Variants in GABRA3 observed in about 807,000 individuals in gnomAD.
GABRA3 encodes the protein gamma-aminobutyric acid receptor subunit alpha-3.
A neutral mutation model predicts 30.1 loss-of-function variants in GABRA3; 10 were observed. That is an observed-to-expected ratio of 0.33 (90% CI 0.20 to 0.56). The LOEUF is 0.56. Among genes scored for constraint, GABRA3 ranks in the 20% least tolerant of loss-of-function variants. GABRA3 has a pLI of 0.89. For synonymous variants in GABRA3, 151 were observed against 146.8 expected (o/e 1.03, Z -0.21); for missense variants, 233 against 392.0 (o/e 0.59, Z 3.42).
At chrX:152,410,369 T>C (rs1381335683) in intron 1 of GABRA3, among the ~76,000 whole-genome samples, 2 of 111,134 alleles carry the variant, frequency 1.8e-5, no homozygotes, top group African/African-American at 6.5e-5. Flanking sequence ...AAAAGTGAAA[T>C]TGGAATGTTC....
At chrX:152,299,431 A>T (rs769783086) in intron 3 of GABRA3, among the ~76,000 whole-genome samples, 24 of 109,079 alleles carry the variant, frequency 2.2e-4, no homozygotes, top group African/African-American at 6.8e-4. Context: ...GGTTGGGATA[A>T]GCGGGGAAGC....
intron 4 of GABRA3, among the ~76,000 whole-genome samples, chrX:152,278,029 T>C (rs989212548): frequency 8.9e-6 from 1 of 112,454 alleles, no homozygotes; most frequent in African/African-American, 3.2e-5. Context: ...CCATCTTTCC[T>C]CTACTCTTCG....
chrX:152,287,699 C>A (rs1327564466), intron 3 of GABRA3, among the ~76,000 whole-genome samples: 1 of 111,120 alleles, frequency 9.0e-6, no homozygotes, highest in East Asian at 2.8e-4. Flanking sequence ...ATGGCAATCC[C>A]AACTCTAAAA....
intron 5 of GABRA3, among the ~76,000 whole-genome samples, chrX:152,242,017 C>T (rs1474136630): frequency 1.8e-5 from 2 of 111,845 alleles, no homozygotes; most frequent in Non-Finnish European, 3.8e-5. Flanking sequence ...ATTCGGCCAT[C>T]TTGGCTCCTC....
chrX:152,199,853 C>T (rs1274125761), intron 7 of GABRA3, among the ~76,000 whole-genome samples: 1 of 110,394 alleles, frequency 9.1e-6, no homozygotes, highest in East Asian at 2.9e-4. Context: ...CACACACACA[C>T]ATAACACACA....
At chrX:152,213,548 GA>G (rs1937661223) in intron 6 of GABRA3, among the ~76,000 whole-genome samples, 1 of 111,381 alleles carries the variant, frequency 9.0e-6, no homozygotes, top group African/African-American at 3.3e-5. Context: ...GAGCTTGATG[GA>G]AAACATTTCA....
At chrX:152,255,154 T>C (rs1404692094) in intron 5 of GABRA3, among the ~76,000 whole-genome samples, 1 of 111,518 alleles carries the variant, frequency 9.0e-6, no homozygotes, top group Non-Finnish European at 1.9e-5. Flanking sequence ...TGCACACACA[T>C]ATAAACACCA....
intron 5 of GABRA3, among the ~76,000 whole-genome samples, chrX:152,247,434 TTA>T (rs1485632682): frequency 9.0e-6 from 1 of 111,298 alleles, no homozygotes; most frequent in Non-Finnish European, 1.9e-5. Context: ...ACACCCTCCC[TTA>T]TTAGAGGAAA....
chrX:152,224,632 C>A, intron 6 of GABRA3, 131 bp downstream of exon 6: 1 of 423,168 alleles, frequency 2.4e-6, no homozygotes, highest in Non-Finnish European at 4.1e-6. Context: ...ACTCTCTGAC[C>A]CACCCTGATA....
chrX:152,437,459 A>G (rs1930804088), intron 1 of GABRA3, among the ~76,000 whole-genome samples: 1 of 111,796 alleles, frequency 8.9e-6, no homozygotes, highest in Non-Finnish European at 1.9e-5. Flanking sequence ...AGTTCTTCTC[A>G]ACTGATATAT....
chrX:152,325,483 C>G (rs1384592326), intron 3 of GABRA3, among the ~76,000 whole-genome samples: 2 of 111,468 alleles, frequency 1.8e-5, no homozygotes, highest in Non-Finnish European at 3.8e-5. Flanking sequence ...GCCAGGTGCC[C>G]CTCTGAGACA....
At chrX:152,335,805 T>C (rs1207185079) in intron 3 of GABRA3, among the ~76,000 whole-genome samples, 1 of 110,831 alleles carries the variant, frequency 9.0e-6, no homozygotes, top group Non-Finnish European at 1.9e-5. Context: ...TCACTGCCTC[T>C]AATTCTTGAG....
At chrX:152,179,715 C>T (rs889405825) in intron 9 of GABRA3, among the ~76,000 whole-genome samples, 1 of 110,398 alleles carries the variant, frequency 9.1e-6, no homozygotes, top group Admixed American at 9.7e-5. Flanking sequence ...AGGATGGTCT[C>T]GATCTCCTGA....
At chrX:152,251,524 A>T (rs1333013548) in intron 5 of GABRA3, among the ~76,000 whole-genome samples, 1 of 106,958 alleles carries the variant, frequency 9.3e-6, no homozygotes, top group African/African-American at 3.4e-5. Context: ...ACTATTTGCA[A>T]TCTCTACTGG....
At chrX:152,418,264 A>C (rs1046008103) in intron 1 of GABRA3, among the ~76,000 whole-genome samples, 1 of 111,464 alleles carries the variant, frequency 9.0e-6, no homozygotes, top group African/African-American at 3.3e-5. Context: ...TAACCTAAAC[A>C]AAATTTACTG....
intron 1 of GABRA3, among the ~76,000 whole-genome samples, chrX:152,419,445 AAT>A (rs1733820073): frequency 8.9e-6 from 1 of 111,888 alleles, no homozygotes; most frequent in Non-Finnish European, 1.9e-5. Context: ...TTACAGATCC[AAT>A]AGACACTAAA....
chrX:152,359,495 T>A (rs1049366806), intron 2 of GABRA3, among the ~76,000 whole-genome samples: 1 of 111,403 alleles, frequency 9.0e-6, no homozygotes, highest in African/African-American at 3.3e-5. Flanking sequence ...ATTCATTCTT[T>A]CAAAGAACAC....
At chrX:152,297,963 T>C (rs1355278038) in intron 3 of GABRA3, among the ~76,000 whole-genome samples, 3 of 112,049 alleles carry the variant, frequency 2.7e-5, no homozygotes, top group Non-Finnish European at 5.6e-5. Context: ...AAAACATAAC[T>C]TGGAGGCTCA....
At chrX:152,359,672 T>A (rs1928425477) in intron 2 of GABRA3, among the ~76,000 whole-genome samples, 1 of 111,385 alleles carries the variant, frequency 9.0e-6, no homozygotes, top group African/African-American at 3.3e-5. Context: ...TCTGTGTAAC[T>A]TTTTGACTTG....
Sources: allele counts gnomAD v4.1 joint callset (sites outside exome capture counted in the v4.1 genomes callset), GRCh38; gene constraint gnomAD v4.1.1; transcripts MANE v1.5; gene names NCBI Gene and HGNC (gene_info 2026-07-23, HGNC 2026-07-21).